The following RANBP9 variants were observed in gnomAD, a reference collection of about 807,000 sequenced individuals.
RANBP9 encodes ran-binding protein 9.
RANBP9 carries 15 observed loss-of-function variants against 84.3 expected under a neutral mutation model. The observed-to-expected ratio is 0.18, with a 90% CI of 0.12 to 0.27. RANBP9 has a LOEUF of 0.27. Ranked by LOEUF, RANBP9 falls within the 10% of genes least tolerant of loss-of-function variation. The probability of loss-of-function intolerance (pLI) is 1.00; values close to 1 mark genes in which losing one functional copy is unlikely to be tolerated. For synonymous variants in RANBP9, 392 were observed against 349.6 expected, an observed-to-expected ratio of 1.12 and a Z score of -1.35; for missense variants, 809 against 912.8, an observed-to-expected ratio of 0.89 and a Z score of 1.46.
chr6:13,644,787 C>A (rs1361017185), intron 5 of RANBP9, 58 bp from the exon 6 acceptor site: 19 of 1,297,302 alleles, frequency 1.5e-5, no homozygotes, highest in Non-Finnish European at 2.0e-5. Context: ...TTTAATAATT[C>A]TTTTAATGTT....
intron 2 of RANBP9, among the ~76,000 whole-genome samples, chr6:13,662,162 A>G (rs189515977): frequency 4.2e-4 from 64 of 152,292 alleles, no homozygotes; most frequent in Admixed American, 4.1e-3. Context: ...TATATCACTA[A>G]AAGTCATTAT....
intron 2 of RANBP9, among the ~76,000 whole-genome samples, chr6:13,689,825 A>G (rs1766282106): frequency 6.6e-6 from 1 of 152,110 alleles, no homozygotes; most frequent in African/African-American, 2.4e-5. Context: ...TTTCCCATAC[A>G]TGGTCTCATT....
intron 12 of RANBP9, among the ~76,000 whole-genome samples, chr6:13,629,921 C>CGTGT (rs3063992): frequency 0.16 from 19,889 of 128,040 alleles, 1,401 homozygotes; most frequent in South Asian, 0.24. Context: ...CTCTCTCTCT[C>CGTGT]GTGTGTGTGT....
rs935545949 is a variant in RANBP9 at position 13,621,707 on chromosome 6, A to C, written c.*655T>G. ...TTATAATACAACAGTTAAACTTGTGAGTCTACAACAGAAGTCATCTGTAGT... is the reference window on the plus strand; with the variant it reads ...TTATAATACAACAGTTAAACTTGTGCGTCTACAACAGAAGTCATCTGTAGT... On this transcript the variant is annotated 3_prime_UTR_variant, in exon 14 of 14. Coordinates refer to ENST00000011619, the MANE Select transcript of RANBP9 (RefSeq NM_005493.3). The C allele has an allele frequency of 6.6e-6, 1 of 152,644 alleles. No individual in the cohort carries two copies. The highest frequency in any genetic ancestry group is 1.5e-5 in the Non-Finnish European group (1 of 68,024). The allele number at this position is 152,644 out of a possible 1,614,324, so 9.5% of individuals were successfully genotyped here.
At chr6:13,682,820 T>C (rs1766076426) in intron 2 of RANBP9, among the ~76,000 whole-genome samples, 1 of 152,152 alleles carries the variant, frequency 6.6e-6, no homozygotes, top group African/African-American at 2.4e-5. Flanking sequence ...AAAAAAGAAG[T>C]ATAAAATGAG....
intron 1 of RANBP9, among the ~76,000 whole-genome samples, chr6:13,699,449 T>C (rs1757914917): frequency 6.6e-6 from 1 of 152,224 alleles, no homozygotes; most frequent in African/African-American, 2.4e-5. Flanking sequence ...GAGTATCCCT[T>C]ATCTGACATG....
intron 3 of RANBP9, among the ~76,000 whole-genome samples, chr6:13,657,847 A>G (rs1330193809): frequency 6.6e-6 from 1 of 152,200 alleles, no homozygotes; most frequent in Non-Finnish European, 1.5e-5. Context: ...AATTTTAAGC[A>G]AAAGGGTACA....
chr6:13,698,507 T>C (rs544367655), intron 1 of RANBP9, among the ~76,000 whole-genome samples: 74 of 152,288 alleles, frequency 4.9e-4, no homozygotes, highest in Non-Finnish European at 6.8e-4. Flanking sequence ...TATTTAAAAA[T>C]TAGATTGTTA....
At chr6:13,685,722 G>A (rs1306674425) in intron 2 of RANBP9, among the ~76,000 whole-genome samples, 3 of 152,266 alleles carry the variant, frequency 2.0e-5, no homozygotes, top group Admixed American at 1.3e-4. Flanking sequence ...GAGGTCAAGA[G>A]ATCGAGACCA....
At chr6:13,625,859 G>T in intron 12 of RANBP9, 95 bp from the exon 13 acceptor site, 1 of 835,164 alleles carries the variant, frequency 1.2e-6, no homozygotes, top group Non-Finnish European at 2.0e-6. Flanking sequence ...TGGCTTCCAG[G>T]CACAGACTAA....
chr6:13,645,758 T>C (rs1454649966), intron 5 of RANBP9, among the ~76,000 whole-genome samples: 1 of 152,230 alleles, frequency 6.6e-6, no homozygotes, highest in African/African-American at 2.4e-5. Flanking sequence ...TCTGTATTTA[T>C]GTCTTATATC....
chr6:13,654,222 G>A (rs973518667), intron 4 of RANBP9, among the ~76,000 whole-genome samples: 2 of 152,132 alleles, frequency 1.3e-5, no homozygotes, highest in East Asian at 1.9e-4. Context: ...ATCAGACCAC[G>A]AAAAGATGCC....
chr6:13,697,101 T>C (rs772465452), intron 1 of RANBP9, among the ~76,000 whole-genome samples: 42 of 152,320 alleles, frequency 2.8e-4, no homozygotes, highest in Middle Eastern at 6.8e-3. Flanking sequence ...CTTCACACTA[T>C]TACTAGTTTT....
intron 1 of RANBP9, among the ~76,000 whole-genome samples, 167 bp downstream of exon 1, chr6:13,710,768 T>C (rs1758256341): frequency 6.6e-6 from 1 of 152,020 alleles, no homozygotes; most frequent in African/African-American, 2.4e-5. Flanking sequence ...CCTCGGACCC[T>C]TCACCGCGAC....
chr6:13,681,285 G>C lies in RANBP9; in HGVS notation c.683+15500C>G, dbSNP rs534154248. Among the ~76,000 whole-genome samples the C allele has an allele frequency of 3.3e-5, 5 of 151,692 alleles. 1 individual carries two copies. The South Asian group carries it at 8.3e-4, about 25-fold the overall frequency. On this transcript the variant is annotated intron_variant, in intron 2 of 13. Transcript: ENST00000011619. Reference sequence around the variant, plus strand: ...GGGTGGGAGGAGGGTTTGAGATAAAGGGGCAACAAGAGAGAGTTTGGCGTG... The same window carrying C: ...GGGTGGGAGGAGGGTTTGAGATAAACGGGCAACAAGAGAGAGTTTGGCGTG...
chr6:13,640,007 T>C (rs1205548864), intron 8 of RANBP9, among the ~76,000 whole-genome samples: 3 of 152,118 alleles, frequency 2.0e-5, no homozygotes, highest in African/African-American at 7.2e-5. Flanking sequence ...AAATGGAAAT[T>C]TACCTATAAG....
At chr6:13,659,193 G>A (rs1178812194) in intron 2 of RANBP9, among the ~76,000 whole-genome samples, 1 of 149,810 alleles carries the variant, frequency 6.7e-6, no homozygotes, top group African/African-American at 2.4e-5. Flanking sequence ...GAAAAAAAAT[G>A]TTAAGGAAAC....
intron 8 of RANBP9, among the ~76,000 whole-genome samples, chr6:13,640,673 T>C (rs542892037): frequency 6.6e-6 from 1 of 152,322 alleles, no homozygotes; most frequent in South Asian, 2.1e-4. Context: ...AATACTCTGA[T>C]TCTACTTATA....
At chr6:13,687,129 CTTTG>C (rs975437062) in intron 2 of RANBP9, among the ~76,000 whole-genome samples, 2 of 152,136 alleles carry the variant, frequency 1.3e-5, no homozygotes, top group African/African-American at 4.8e-5. Context: ...CCTAGGCCCT[CTTTG>C]TTTTTGTTAC....
Sources: allele counts gnomAD v4.1 joint callset (sites outside exome capture counted in the v4.1 genomes callset), GRCh38; gene constraint gnomAD v4.1.1; transcripts MANE v1.5; gene names NCBI Gene and HGNC (gene_info 2026-07-23, HGNC 2026-07-21).